Variants in BCL9 observed in about 807,000 individuals in gnomAD.
BCL9 encodes the protein BCL9 transcription coactivator.
A neutral mutation model predicts 88.5 loss-of-function variants in BCL9; 25 were observed. The ratio of observed to expected loss-of-function variants is 0.28; its 90% CI spans 0.21 to 0.39. The LOEUF (loss-of-function observed/expected upper bound fraction) is 0.39, where lower values mean the gene tolerates loss of function less well. BCL9 is among the 10% of genes least tolerant of loss of function. BCL9 has a pLI of 1.00. For synonymous variants in BCL9, 711 were observed against 673.3 expected, an observed-to-expected ratio of 1.06 and a Z score of -0.87; for missense variants, 1,817 against 1,877.8, an observed-to-expected ratio of 0.97 and a Z score of 0.60.
At chr1:147,544,381 C>G (rs1654461151) in intron 1 of BCL9, among the ~76,000 whole-genome samples, 1 of 151,860 alleles carries the variant, frequency 6.6e-6, no homozygotes, top group African/African-American at 2.4e-5. Context: ...CCCAGCAATT[C>G]CAAAGAGCAG....
chr1:147,621,202 A>C (rs1373933777), intron 8 of BCL9, 145 bp downstream of exon 8: 1 of 921,004 alleles, frequency 1.1e-6, no homozygotes, highest in African/African-American at 1.7e-5. Flanking sequence ...CAAGGTGCAT[A>C]ATCAGTGCTT....
rs1467853266 is a variant in BCL9 at position 147,620,910 on chromosome 1, G to C, written c.2755G>C (p.Val919Leu). 6.2e-7 allele frequency: 1 copy of C among 1,614,078 alleles called. No homozygotes were observed. Among genetic ancestry groups the C allele is most frequent in the East Asian group, 2.2e-5 (1 of 44,868 alleles). ...TTTGGGGTCTGCTGCTGCTTCACCT[G>C]TCCACCTCAAGTCTCCATCACTTCC... is the stretch of plus-strand genomic sequence containing the variant. Reference protein sequence around the residue: ...PVLGSAAASPVHLKSPSLPAP... With the variant: ...PVLGSAAASPLHLKSPSLPAP... The change falls in exon 8 of 10, where the codon GTC (valine) becomes CTC (leucine). Residue 919 changes from valine (V) to leucine (L), a missense_variant. Transcript: ENST00000234739.
rs1656189834 is a variant in BCL9, at chr1:147,578,023, A to G, written c.-477-26754A>G. 2.0e-5 allele frequency among the ~76,000 whole-genome samples: 3 copies of G among 152,212 alleles called. No individual in the cohort carries two copies. The South Asian group carries it at 6.2e-4, about 32-fold the overall frequency. On this transcript the variant is annotated intron_variant, in intron 1 of 9. Transcript: ENST00000234739. Reference sequence around the variant, plus strand: ...CTTTTATTCAGCTTAAATGTAGAAAACCTTCCCCTCTGAAACCTTAATACG... The same window carrying G: ...CTTTTATTCAGCTTAAATGTAGAAAGCCTTCCCCTCTGAAACCTTAATACG...
chr1:147,566,118 A>G (rs1402193746), intron 1 of BCL9, among the ~76,000 whole-genome samples: 2 of 152,214 alleles, frequency 1.3e-5, no homozygotes, highest in Non-Finnish European at 2.9e-5. Flanking sequence ...TCATGAAGAC[A>G]TTTAGCATCA....
intron 1 of BCL9, among the ~76,000 whole-genome samples, chr1:147,570,085 A>C (rs1281872834): frequency 1.3e-5 from 2 of 152,208 alleles, no homozygotes; most frequent in African/African-American, 4.8e-5. Context: ...TAGTTTCGTC[A>C]GGCATTTACT....
intron 1 of BCL9, among the ~76,000 whole-genome samples, chr1:147,542,583 C>T (rs1208286207): frequency 6.6e-6 from 1 of 152,180 alleles, no homozygotes; most frequent in Non-Finnish European, 1.5e-5. Flanking sequence ...TAAAGACACC[C>T]TGAGACAAAT....
At chr1:147,611,962 T>G in intron 4 of BCL9, 73 bp downstream of exon 4, 1 of 1,432,984 alleles carries the variant, frequency 7.0e-7, no homozygotes, top group Non-Finnish European at 9.8e-7. Flanking sequence ...CACTCATTGG[T>G]GAAACAGTAT....
chr1:147,605,596 T>C (rs782798593), intron 2 of BCL9, among the ~76,000 whole-genome samples: 1 of 152,250 alleles, frequency 6.6e-6, no homozygotes, highest in South Asian at 2.1e-4. Context: ...TTTTACCCCA[T>C]GAGTACTAAA....
chr1:147,619,698 C>G lies in BCL9; in HGVS notation c.1543C>G (p.Pro515Ala), dbSNP rs1029443918. The G allele has an allele frequency of 1.2e-6, 2 of 1,614,028 alleles. No homozygotes were observed. The highest frequency in any genetic ancestry group is 1.3e-5 in the African/African-American group (1 of 75,044). ...GCCTCGGGGAGTGGTCCGAGGACCCCCCCCTCCATACCAGATGACCCCTAG... is the reference window on the plus strand; with the variant it reads ...GCCTCGGGGAGTGGTCCGAGGACCCGCCCCTCCATACCAGATGACCCCTAG... ...HGPRGVVRGP[P>A]PPYQMTPSEG... is the part of the protein sequence containing the mutation. Residue 515 changes from proline to alanine, a missense_variant, in exon 8 of 10, where the codon CCC becomes GCC. Pro to Ala is a conservative substitution (Grantham distance 27). This residue lies in a region of BCL9 where 1,228 missense variants were observed against 1,191.6 expected (regional missense o/e 1.03). Coordinates refer to ENST00000234739, the MANE Select transcript of BCL9 (RefSeq NM_004326.4). The surrounding 1 kb of genome is among the most constrained non-coding windows in gnomAD (Gnocchi z 4.1).
chr1:147,574,126 TA>T (rs1216923465), intron 1 of BCL9, among the ~76,000 whole-genome samples: 1 of 152,184 alleles, frequency 6.6e-6, no homozygotes, highest in Non-Finnish European at 1.5e-5. Flanking sequence ...CAGACTAGTT[TA>T]CATAAACCTA....
chr1:147,552,412 A>C (rs1553194919), intron 1 of BCL9, among the ~76,000 whole-genome samples: 1 of 152,110 alleles, frequency 6.6e-6, no homozygotes, highest in African/African-American at 2.4e-5. Context: ...GTTCGAGACC[A>C]CCCTGACCAA....
intron 1 of BCL9, among the ~76,000 whole-genome samples, chr1:147,554,576 T>C (rs1655023320): frequency 6.6e-6 from 1 of 152,130 alleles, no homozygotes; most frequent in Admixed American, 6.6e-5. Context: ...AAAAATATAA[T>C]ACCAGACATG....
At chr1:147,545,974 G>A (rs1023000415) in intron 1 of BCL9, among the ~76,000 whole-genome samples, 2 of 152,172 alleles carry the variant, frequency 1.3e-5, no homozygotes, top group Admixed American at 1.3e-4. Context: ...TGCAAGAGAT[G>A]AGAAGCAGAG....
intron 5 of BCL9, 84 bp from the exon 6 acceptor site, chr1:147,614,343 G>A (rs1481735488): frequency 1.5e-6 from 2 of 1,349,868 alleles, no homozygotes; most frequent in Non-Finnish European, 2.1e-6. Context: ...AATTCTCAAG[G>A]TGGGTTTGTG....
At chr1:147,548,606 G>A (rs1374779085) in intron 1 of BCL9, among the ~76,000 whole-genome samples, 1 of 152,164 alleles carries the variant, frequency 6.6e-6, no homozygotes, top group African/African-American at 2.4e-5. Flanking sequence ...GATTGGGATT[G>A]TTTGTAGTTT....
intron 1 of BCL9, among the ~76,000 whole-genome samples, chr1:147,553,230 C>G (rs587750557): frequency 1.3e-5 from 2 of 152,256 alleles, no homozygotes; most frequent in Admixed American, 1.3e-4. Context: ...ACTGACTGGT[C>G]TTTACACTGT....
intron 1 of BCL9, among the ~76,000 whole-genome samples, chr1:147,543,167 T>G (rs781880727): frequency 1.3e-5 from 2 of 152,232 alleles, no homozygotes; most frequent in Non-Finnish European, 2.9e-5. Flanking sequence ...TCTTGAATTG[T>G]GGATTTCCTT....
intron 1 of BCL9, among the ~76,000 whole-genome samples, chr1:147,588,660 T>C (rs958831070): frequency 4.6e-5 from 7 of 152,158 alleles, no homozygotes; most frequent in Non-Finnish European, 1.0e-4. Flanking sequence ...GGGAAAGCAG[T>C]TGCAGAATTT....
rs587696302 is a variant in BCL9, at chr1:147,553,200, C to G, written c.-478+11526C>G. ...TCTTCTGCATTATGGACTTTGTTCA[C>G]TTGCTGTGACAAAGTGCATACTGAC... On this transcript the variant is annotated intron_variant, in intron 1 of 9. Transcript: ENST00000234739. Among the ~76,000 whole-genome samples the G allele has an allele frequency of 4.6e-5, 7 of 152,286 alleles. No individual in the cohort carries two copies. In the East Asian group the frequency reaches 1.4e-3, roughly 29 times the overall value.
Sources: gnomAD v4.1 joint callset for allele counts (sites outside exome capture counted in the v4.1 genomes callset) on GRCh38, gnomAD v4.1.1 for gene constraint, gnomAD v4.1.1 regional missense constraint, Gnocchi (gnomAD v3.1) non-coding constraint, MANE v1.5 for transcripts, NCBI Gene and HGNC (gene_info 2026-07-23, HGNC 2026-07-21) for gene names.